The following OSBPL11 variants were observed in gnomAD, a reference collection of about 807,000 sequenced individuals.
OSBPL11 encodes the protein oxysterol-binding protein-related protein 11.
OSBPL11 carries 33 observed loss-of-function variants against 84.4 expected under a neutral mutation model. The observed-to-expected ratio is 0.39, with a 90% CI of 0.30 to 0.52. The LOEUF is 0.52. Ranked by LOEUF, OSBPL11 falls within the 20% of genes least tolerant of loss-of-function variation. OSBPL11 has a pLI of 0.72. For synonymous variants in OSBPL11, 276 were observed against 310.2 expected (o/e 0.89, Z 1.16); for missense variants, 736 against 901.1 (o/e 0.82, Z 2.35).
chr3:125,569,933 C>G (rs1936218765), intron 5 of OSBPL11, among the ~76,000 whole-genome samples: 1 of 152,058 alleles, frequency 6.6e-6, no homozygotes, highest in South Asian at 2.1e-4. Flanking sequence ...AGAAGTGGCC[C>G]TAGGGTGCTC....
intron 2 of OSBPL11, among the ~76,000 whole-genome samples, chr3:125,581,978 ATAAT>A (rs1000615967): frequency 1.3e-5 from 2 of 151,894 alleles, no homozygotes; most frequent in African/African-American, 2.4e-5. Flanking sequence ...TGTCTCAAAA[ATAAT>A]TAATTAATTA....
chr3:125,559,759 C>T (rs901458145), intron 8 of OSBPL11, among the ~76,000 whole-genome samples: 1 of 152,034 alleles, frequency 6.6e-6, no homozygotes, highest in Non-Finnish European at 1.5e-5. Flanking sequence ...AACTTCTGAC[C>T]TCAATTGATC....
chr3:125,582,753 TAAG>T (rs10566741), intron 2 of OSBPL11, among the ~76,000 whole-genome samples, 154 bp downstream of exon 2: 162 of 152,316 alleles, frequency 1.1e-3, no homozygotes, highest in African/African-American at 3.2e-3. Flanking sequence ...TCCCACCCTC[TAAG>T]AAGAAGTCAC....
Position 125,547,466 on chromosome 3 carries a change from G to C in OSBPL11, c.1781C>G (p.Thr594Ser). 6.2e-7 allele frequency: 1 copy of C among 1,614,142 alleles called. No homozygotes were observed. Among genetic ancestry groups the C allele is most frequent in the East Asian group, 2.2e-5 (1 of 44,878 alleles). ...AAAAGTGATGCTGGCTGAATATCCA[G>C]TTTTTGCACAGTTGACACTGACTTT... Reference protein sequence around the residue: ...GGKVSVNCAKTGYSASITFHT... With the variant: ...GGKVSVNCAKSGYSASITFHT... The change falls in exon 10 of 13, where the codon ACT (threonine) becomes AGT (serine). Residue 594 changes from threonine to serine, a missense_variant. Thr to Ser is a moderately conservative substitution (Grantham distance 58). This residue lies in a region of OSBPL11 where 579 missense variants were observed against 717.6 expected (regional missense o/e 0.81). Coordinates refer to ENST00000296220, the MANE Select transcript of OSBPL11 (RefSeq NM_022776.5).
chr3:125,585,651 T>C (rs1936496985), intron 1 of OSBPL11, among the ~76,000 whole-genome samples: 1 of 152,154 alleles, frequency 6.6e-6, no homozygotes, highest in Non-Finnish European at 1.5e-5. Context: ...TTATTTTTAT[T>C]ATATAAAACA....
intron 11 of OSBPL11, among the ~76,000 whole-genome samples, chr3:125,537,171 A>AG (rs1935652759): frequency 6.6e-6 from 1 of 151,750 alleles, no homozygotes; most frequent in African/African-American, 2.4e-5. Flanking sequence ...AAAAAAAAAA[A>AG]AAAAAAAGAC....
At chr3:125,553,111 T>TAAC (rs534883524) in intron 8 of OSBPL11, among the ~76,000 whole-genome samples, 1 of 152,022 alleles carries the variant, frequency 6.6e-6, no homozygotes, top group African/African-American at 2.4e-5. Flanking sequence ...GACCCTGTCT[T>TAAC]AACAACAACA....
intron 9 of OSBPL11, among the ~76,000 whole-genome samples, chr3:125,550,319 G>A (rs549164974): frequency 1.3e-5 from 2 of 150,988 alleles, no homozygotes; most frequent in East Asian, 1.9e-4. Flanking sequence ...AGATTGCAGT[G>A]AGCCAAGATG....
rs771445656 is a variant in OSBPL11, at chr3:125,576,369, T to C, written c.490-4A>G. 3.2e-6 allele frequency: 5 copies of C among 1,546,636 alleles called. No individual in the cohort carries two copies. In the Admixed American group the frequency reaches 9.4e-5, roughly 29 times the overall value. ...GTGACTTCAGAGGAGGATTATTCTG[T>C]TAGACAAAGAAAATCATTCCTTTTG... is the stretch of plus-strand genomic sequence containing the variant. On this transcript the variant is annotated splice_polypyrimidine_tract_variant and splice_region_variant and intron_variant, in intron 4 of 12. Coordinates refer to ENST00000296220, the MANE Select transcript of OSBPL11 (RefSeq NM_022776.5).
chr3:125,551,345 G>T (rs1261877549), intron 9 of OSBPL11, among the ~76,000 whole-genome samples: 1 of 150,938 alleles, frequency 6.6e-6, no homozygotes, highest in Non-Finnish European at 1.5e-5. Context: ...ATTTTATAAG[G>T]CTAAAAGTAT....
At chr3:125,533,790 G>A (rs1217081927) in intron 11 of OSBPL11, among the ~76,000 whole-genome samples, 2 of 152,172 alleles carry the variant, frequency 1.3e-5, no homozygotes, top group Non-Finnish European at 2.9e-5. Flanking sequence ...ACTACAAAGT[G>A]AAATATTCAA....
intron 5 of OSBPL11, among the ~76,000 whole-genome samples, chr3:125,575,525 CA>C (rs1174125072): frequency 2.6e-5 from 4 of 151,160 alleles, no homozygotes. Flanking sequence ...CGCGACCTAC[CA>C]CTGTTTGTTT....
intron 1 of OSBPL11, among the ~76,000 whole-genome samples, chr3:125,594,036 C>T (rs1162221924): frequency 2.0e-5 from 3 of 152,206 alleles, no homozygotes; most frequent in African/African-American, 7.2e-5. Flanking sequence ...TAGACTTTCT[C>T]ATCAACACAG....
intron 11 of OSBPL11, among the ~76,000 whole-genome samples, chr3:125,534,508 A>G (rs75104708): frequency 0.066 from 10,109 of 152,078 alleles, 447 homozygotes; most frequent in Non-Finnish European, 0.098. Context: ...TAAATTAGAA[A>G]TAAATAATGG....
chr3:125,568,130 T>C (rs1580054372), intron 5 of OSBPL11, among the ~76,000 whole-genome samples: 1 of 152,148 alleles, frequency 6.6e-6, no homozygotes, highest in African/African-American at 2.4e-5. Flanking sequence ...CAATTTTTCT[T>C]TGGAAGCAAC....
At chr3:125,577,197 C>T (rs1323380838) in intron 4 of OSBPL11, among the ~76,000 whole-genome samples, 1 of 151,938 alleles carries the variant, frequency 6.6e-6, no homozygotes, top group Non-Finnish European at 1.5e-5. Flanking sequence ...CTGGGGGAAA[C>T]CACCAGGAAG....
intron 8 of OSBPL11, among the ~76,000 whole-genome samples, chr3:125,556,984 G>A (rs1028267683): frequency 3.3e-5 from 5 of 152,026 alleles, no homozygotes; most frequent in African/African-American, 4.8e-5. Flanking sequence ...TCAGTCTTCT[G>A]TGTGTTTAAC....
Position 125,579,954 on chromosome 3 carries a change from T to C in OSBPL11, c.320A>G (p.Gln107Arg), listed in dbSNP as rs1235975072. The part of the protein sequence containing the change: ...SRNQKPRGTL[Q>R]LAGAVISPSD... ...GGGTGATATTACAGCTCCTGCAAGC[T>C]GCAAAGTTCCTCTAGGTTTCTGATT... The change falls in exon 3 of 13, where the codon CAG becomes CGG. Residue 107 changes from glutamine (Q) to arginine (R), a missense_variant. Transcript: ENST00000296220. The C allele has an allele frequency of 6.2e-7, 1 of 1,614,216 alleles. No homozygotes were observed. The highest frequency in any genetic ancestry group is 1.3e-5 in the African/African-American group (1 of 75,072).
intron 1 of OSBPL11, among the ~76,000 whole-genome samples, chr3:125,584,357 C>T (rs1276313746): frequency 2.0e-5 from 3 of 152,072 alleles, no homozygotes; most frequent in African/African-American, 4.8e-5. Context: ...CAGAGTGAGA[C>T]TCCATCATAA....
Sources: gnomAD v4.1 joint callset for allele counts (sites outside exome capture counted in the v4.1 genomes callset) on GRCh38, gnomAD v4.1.1 for gene constraint, gnomAD v4.1.1 regional missense constraint, MANE v1.5 for transcripts, NCBI Gene and HGNC (gene_info 2026-07-23, HGNC 2026-07-21) for gene names.